GLCE: variants seen among roughly 807,000 people sequenced by gnomAD.
GLCE encodes the protein glucuronic acid epimerase, also known as D-glucuronyl C5-epimerase.
In GLCE, 19 loss-of-function variants were observed where a neutral mutation model predicts 47.9. That is an observed-to-expected ratio of 0.40 (90% CI 0.28 to 0.58). The LOEUF is 0.58. Ranked by LOEUF, GLCE falls within the 20% of genes least tolerant of loss-of-function variation. The pLI is 0.48. For synonymous variants in GLCE, 245 were observed against 263.4 expected, an observed-to-expected ratio of 0.93 and a Z score of 0.68; for missense variants, 556 against 743.3, an observed-to-expected ratio of 0.75 and a Z score of 2.93.
chr15:69,265,013 C>T (rs1285712241), intron 4 of GLCE, among the ~76,000 whole-genome samples: 2 of 152,046 alleles, frequency 1.3e-5, no homozygotes, highest in Non-Finnish European at 2.9e-5. Flanking sequence ...GTTTCCCTTG[C>T]TGTGCAAAAG....
chr15:69,236,420 A>G (rs549989210), intron 2 of GLCE, among the ~76,000 whole-genome samples: 91 of 152,286 alleles, frequency 6.0e-4, no homozygotes, highest in African/African-American at 2.0e-3. Flanking sequence ...TGGAGATGAC[A>G]TTTGAGACAC....
intron 2 of GLCE, 41 bp from the exon 3 acceptor site, chr15:69,255,753 A>G (rs2140438962): frequency 1.2e-5 from 13 of 1,103,330 alleles, no homozygotes; most frequent in South Asian, 5.8e-5. Flanking sequence ...AAATGCCGGT[A>G]GTACATCTTT....
At chr15:69,250,273 CATT>C (rs2052819705) in intron 2 of GLCE, among the ~76,000 whole-genome samples, 1 of 152,010 alleles carries the variant, frequency 6.6e-6, no homozygotes, top group Non-Finnish European at 1.5e-5. Flanking sequence ...AATTTGGCAA[CATT>C]ATAATGAAAT....
At chr15:69,211,772 A>T (rs1235629356) in intron 2 of GLCE, among the ~76,000 whole-genome samples, 1 of 152,168 alleles carries the variant, frequency 6.6e-6, no homozygotes, top group Non-Finnish European at 1.5e-5. Flanking sequence ...AATTTTAAGA[A>T]AATAAAGTAA....
intron 1 of GLCE, chr15:69,197,001 C>A: frequency 3.3e-6 from 1 of 305,044 alleles, no homozygotes; most frequent in South Asian, 3.4e-5. Flanking sequence ...GTTTGATGGT[C>A]TGCTGCCGGT....
At chr15:69,220,005 G>A (rs750711338) in intron 2 of GLCE, among the ~76,000 whole-genome samples, 6 of 152,088 alleles carry the variant, frequency 3.9e-5, no homozygotes. Context: ...ATTTCACTTA[G>A]TATAATGTCC....
intron 2 of GLCE, among the ~76,000 whole-genome samples, chr15:69,241,119 C>A (rs372256782): frequency 8.5e-5 from 13 of 152,206 alleles, no homozygotes; most frequent in African/African-American, 2.9e-4. Flanking sequence ...GGGAGAAAAA[C>A]AAGAAAACAT....
chr15:69,210,840 G>T (rs886272805), intron 2 of GLCE, among the ~76,000 whole-genome samples: 6 of 152,206 alleles, frequency 3.9e-5, no homozygotes, highest in African/African-American at 1.4e-4. Flanking sequence ...TATTGTGTGT[G>T]GCCATCTTAG....
chr15:69,242,514 A>G (rs2052685754), intron 2 of GLCE, among the ~76,000 whole-genome samples: 1 of 152,104 alleles, frequency 6.6e-6, no homozygotes, highest in African/African-American at 2.4e-5. Context: ...ACTAAGTAAA[A>G]TGCTTCATTC....
chr15:69,194,712 A>G (rs1369598920), intron 1 of GLCE, among the ~76,000 whole-genome samples: 1 of 152,156 alleles, frequency 6.6e-6, no homozygotes, highest in Non-Finnish European at 1.5e-5. Context: ...GTTCTAAAAC[A>G]TTGATCCTGT....
At chr15:69,196,191 T>C (rs2051987988) in intron 1 of GLCE, among the ~76,000 whole-genome samples, 1 of 152,128 alleles carries the variant, frequency 6.6e-6, no homozygotes, top group Non-Finnish European at 1.5e-5. Flanking sequence ...GTGCCTAGTA[T>C]GTTCAAGGAA....
intron 1 of GLCE, among the ~76,000 whole-genome samples, chr15:69,178,964 A>T (rs2051712439): frequency 6.6e-6 from 1 of 152,172 alleles, no homozygotes; most frequent in African/African-American, 2.4e-5. Flanking sequence ...CTAATCTCTA[A>T]GACACATTAT....
chr15:69,242,408 G>A (rs916832879), intron 2 of GLCE, among the ~76,000 whole-genome samples: 19 of 151,828 alleles, frequency 1.3e-4, no homozygotes, highest in African/African-American at 4.1e-4. Flanking sequence ...ATTTGAGAGC[G>A]GAAATCGTTT....
chr15:69,269,548 GATA>G lies in GLCE; in HGVS notation c.*307_*309del, dbSNP rs993591319. 5 of 301,464 alleles carry G rather than the reference GATA, an allele frequency of 1.7e-5. No homozygotes were observed. The highest frequency in any genetic ancestry group is 3.1e-5 in the Non-Finnish European group (5 of 162,822). The allele number at this position is 301,464 out of a possible 1,614,324, so 18.7% of individuals were successfully genotyped here. A position where few individuals can be genotyped will look rare whatever the true frequency, so the allele number is the denominator to read the frequency against. On this transcript the variant is annotated 3_prime_UTR_variant, in exon 5 of 5. Transcript: ENST00000261858. ...TAGTCTAGTCACTCTATGTGAGAAAGATAATGGTAAGTAGTTGCTACTGGCCAA... is the reference window on the plus strand; with the variant it reads ...TAGTCTAGTCACTCTATGTGAGAAAGATGGTAAGTAGTTGCTACTGGCCAA...
chr15:69,169,489 T>C (rs2051555709), intron 1 of GLCE, among the ~76,000 whole-genome samples: 1 of 152,198 alleles, frequency 6.6e-6, no homozygotes, highest in Non-Finnish European at 1.5e-5. Flanking sequence ...GCCATGTTGG[T>C]GTGCTGCACC....
intron 2 of GLCE, among the ~76,000 whole-genome samples, chr15:69,233,284 G>A (rs1002510457): frequency 2.6e-5 from 4 of 152,148 alleles, no homozygotes; most frequent in Admixed American, 2.6e-4. Context: ...AAGTCTTGAA[G>A]TTTGACCTCC....
chr15:69,168,236 C>G (rs1023363257), intron 1 of GLCE, among the ~76,000 whole-genome samples: 8 of 152,078 alleles, frequency 5.3e-5, no homozygotes, highest in African/African-American at 1.9e-4. Flanking sequence ...AGTTTGAGAT[C>G]AGCCTGGGCA....
chr15:69,229,863 A>G (rs887023833), intron 2 of GLCE, among the ~76,000 whole-genome samples: 7 of 152,150 alleles, frequency 4.6e-5, no homozygotes, highest in African/African-American at 1.4e-4. Context: ...AAAAAATTTC[A>G]TTTACATATT....
intron 4 of GLCE, chr15:69,266,692 T>A: frequency 4.9e-6 from 4 of 824,178 alleles, no homozygotes; most frequent in Non-Finnish European, 5.9e-6. Flanking sequence ...ATAGATCTGC[T>A]TCTATGGCTG....
Sources: gnomAD v4.1 joint callset for allele counts (sites outside exome capture counted in the v4.1 genomes callset) on GRCh38, gnomAD v4.1.1 for gene constraint, MANE v1.5 for transcripts, NCBI Gene and HGNC (gene_info 2026-07-23, HGNC 2026-07-21) for gene names.